The following SIMC1 variants were observed in gnomAD, a reference collection of about 807,000 sequenced individuals.
SIMC1 encodes the protein SUMO-interacting motif-containing protein 1.
SIMC1 carries 55 observed loss-of-function variants against 82.3 expected under a neutral mutation model. That is an observed-to-expected ratio of 0.67 (90% CI 0.54 to 0.84). The LOEUF is 0.84. SIMC1 is among the 40% of genes least tolerant of loss of function. SIMC1 has a pLI of 0.00. For synonymous variants in SIMC1, 353 were observed against 426.3 expected (o/e 0.83, Z 2.12); for missense variants, 915 against 1,107.2 (o/e 0.83, Z 2.46).
At position 176,302,251 on chromosome 5, in the gene SIMC1, T is replaced by C. The variant is rs966106459; in HGVS notation, c.1734+5931T>C. ...TAAACCATGAACATGTGGGATTTATTCCTGGATGGTTTAACATATGAAAGT... is the reference window on the plus strand; with the variant it reads ...TAAACCATGAACATGTGGGATTTATCCCTGGATGGTTTAACATATGAAAGT... On this transcript the variant is annotated intron_variant, in intron 4 of 9. Coordinates refer to ENST00000429602, the MANE Select transcript of SIMC1 (RefSeq NM_001308195.2). 1.7e-4 allele frequency among the ~76,000 whole-genome samples: 26 copies of C among 152,190 alleles called. 1 individual carries two copies. Among genetic ancestry groups the C allele is most frequent in the African/African-American group, 6.3e-4 (26 of 41,446 alleles).
chr5:176,243,799 G>A (rs1169792112), intron 1 of SIMC1, among the ~76,000 whole-genome samples: 2 of 151,888 alleles, frequency 1.3e-5, no homozygotes, highest in Admixed American at 1.3e-4. Flanking sequence ...GATTACAGGC[G>A]TGAGCCACTG....
intron 1 of SIMC1, among the ~76,000 whole-genome samples, chr5:176,256,241 T>TA (rs1365488422): frequency 6.6e-6 from 1 of 152,184 alleles, no homozygotes; most frequent in East Asian, 1.9e-4. Context: ...AGCAGATCAA[T>TA]ACTTCAAGAA....
At chr5:176,306,394 C>T (rs1056357181) in intron 4 of SIMC1, among the ~76,000 whole-genome samples, 1 of 117,862 alleles carries the variant, frequency 8.5e-6, no homozygotes, top group African/African-American at 2.6e-5. Flanking sequence ...GCCCGACCAC[C>T]ACCCCGTCTG....
At chr5:176,281,496 G>C (rs1763005074) in intron 1 of SIMC1, among the ~76,000 whole-genome samples, 1 of 152,194 alleles carries the variant, frequency 6.6e-6, no homozygotes, top group Non-Finnish European at 1.5e-5. Flanking sequence ...TGGAGGAGGA[G>C]AGGTGCTCTG....
intron 9 of SIMC1, among the ~76,000 whole-genome samples, chr5:176,339,348 A>G (rs1198487622): frequency 6.6e-6 from 1 of 152,172 alleles, no homozygotes; most frequent in East Asian, 1.9e-4. Context: ...CTGGCGACAG[A>G]GTGAGACTCT....
intron 5 of SIMC1, among the ~76,000 whole-genome samples, chr5:176,318,079 C>T (rs909306183): frequency 1.3e-5 from 2 of 152,032 alleles, no homozygotes; most frequent in East Asian, 1.9e-4. Flanking sequence ...ACCATCAGTT[C>T]GATTAGTTGT....
Position 176,306,419 on chromosome 5 carries a change from C to A in SIMC1, c.1735-7272C>A, listed in dbSNP as rs1214241587. 1.8e-5 allele frequency among the ~76,000 whole-genome samples: 2 copies of A among 112,856 alleles called. 1 individual carries two copies. Among genetic ancestry groups the A allele is most frequent in the Non-Finnish European group, 4.4e-5 (2 of 45,764 alleles). 74.0% of individuals were successfully genotyped at this position (112,856 alleles called of 152,430 possible). ...CACCCCGTCTGGGAGGTGTGCCCAA[C>A]AGCTCATTGAGAACGGGCCAGGATG... On this transcript the variant is annotated intron_variant, in intron 4 of 9. Transcript: ENST00000429602.
intron 7 of SIMC1, among the ~76,000 whole-genome samples, chr5:176,330,691 C>T (rs1229098051): frequency 1.3e-5 from 2 of 152,018 alleles, no homozygotes; most frequent in African/African-American, 4.8e-5. Flanking sequence ...AGAGACGGGA[C>T]CCCCTTTCTT....
intron 1 of SIMC1, among the ~76,000 whole-genome samples, chr5:176,288,850 C>A (rs1378828584): frequency 6.6e-6 from 1 of 152,268 alleles, no homozygotes; most frequent in Non-Finnish European, 1.5e-5. Context: ...TTTTTCCAGG[C>A]TCATGGTACA....
chr5:176,328,843 A>G (rs1455517062), intron 7 of SIMC1, among the ~76,000 whole-genome samples: 2 of 152,204 alleles, frequency 1.3e-5, no homozygotes, highest in Non-Finnish European at 2.9e-5. Context: ...CAACACAGCA[A>G]AATCCTGTTG....
intron 5 of SIMC1, among the ~76,000 whole-genome samples, chr5:176,314,383 T>C (rs1262795057): frequency 6.6e-6 from 1 of 152,248 alleles, no homozygotes; most frequent in Admixed American, 6.5e-5. Context: ...GAGTTTTCTG[T>C]CAAGACCAAC....
chr5:176,284,473 C>T (rs373594085), intron 1 of SIMC1, among the ~76,000 whole-genome samples: 1 of 152,110 alleles, frequency 6.6e-6, no homozygotes. Context: ...TCTTTGAAAC[C>T]AATGAGAACA....
intron 1 of SIMC1, among the ~76,000 whole-genome samples, chr5:176,272,234 A>G (rs1174019139): frequency 1.3e-5 from 2 of 148,912 alleles, no homozygotes; most frequent in Non-Finnish European, 1.5e-5. Flanking sequence ...AGTCCCTGCT[A>G]CATAGGAGGC....
intron 9 of SIMC1, among the ~76,000 whole-genome samples, chr5:176,342,339 C>A (rs1439850007): frequency 2.0e-5 from 3 of 152,096 alleles, no homozygotes; most frequent in Non-Finnish European, 4.4e-5. Context: ...TGTGGCCTAC[C>A]CTACCTTCCA....
chr5:176,253,168 ATTTTC>A (rs1761745303), intron 1 of SIMC1, among the ~76,000 whole-genome samples: 1 of 151,798 alleles, frequency 6.6e-6, no homozygotes, highest in Non-Finnish European at 1.5e-5. Flanking sequence ...GGTGAAAATT[ATTTTC>A]TTAAGAATGT....
intron 1 of SIMC1, among the ~76,000 whole-genome samples, chr5:176,256,879 A>G (rs1178909057): frequency 2.0e-5 from 3 of 152,136 alleles, no homozygotes; most frequent in Non-Finnish European, 4.4e-5. Context: ...AGTAGGCAGG[A>G]CTATAGGCAA....
chr5:176,303,579 C>G (rs1025799012), intron 4 of SIMC1, among the ~76,000 whole-genome samples: 13 of 152,176 alleles, frequency 8.5e-5, no homozygotes, highest in African/African-American at 2.9e-4. Flanking sequence ...CTCGGCCTCC[C>G]GAAGTGCTGG....
Position 176,288,423 on chromosome 5 carries a change from G to GAATGAATGAATAAATA in SIMC1, c.130-1228_130-1227insGAATGAATAAATAAAT, listed in dbSNP as rs1554109230. 7.3e-4 allele frequency among the ~76,000 whole-genome samples: 92 copies of GAATGAATGAATAAATA among 126,798 alleles called. 1 individual carries two copies. Among genetic ancestry groups the GAATGAATGAATAAATA allele is most frequent in the East Asian group, 3.9e-3 (17 of 4,330 alleles). The allele number at this position is 126,798 out of a possible 152,430, so 83.2% of individuals were successfully genotyped here. A position where few individuals can be genotyped will look rare whatever the true frequency, so the allele number is the denominator to read the frequency against. The stretch of plus-strand genomic sequence containing the variant: ...GACTCCATCTCAAGAATGAATGAAT[G>GAATGAATGAATAAATA]AATAAATAAATAAATAAATAAATAA... On this transcript the variant is annotated intron_variant, in intron 1 of 9. Transcript: ENST00000429602.
chr5:176,256,244 T>C (rs1410924728), intron 1 of SIMC1, among the ~76,000 whole-genome samples: 1 of 152,166 alleles, frequency 6.6e-6, no homozygotes, highest in Non-Finnish European at 1.5e-5. Context: ...AGATCAATAC[T>C]TCAAGAAAAC....
Sources: gnomAD v4.1 joint callset for allele counts (sites outside exome capture counted in the v4.1 genomes callset) on GRCh38, gnomAD v4.1.1 for gene constraint, MANE v1.5 for transcripts, NCBI Gene and HGNC (gene_info 2026-07-23, HGNC 2026-07-21) for gene names.